Variants in SLC25A28 observed in about 807,000 individuals in gnomAD.
SLC25A28 encodes mitoferrin-2.
Under a neutral mutation model 31.9 loss-of-function variants are expected in SLC25A28, and 10 were observed. The ratio of observed to expected loss-of-function variants is 0.31; its 90% CI spans 0.19 to 0.53. The LOEUF (loss-of-function observed/expected upper bound fraction) is 0.53. Among genes scored for constraint, SLC25A28 ranks in the 20% least tolerant of loss-of-function variants. The pLI, the probability that SLC25A28 is intolerant of heterozygous loss-of-function variation, is 0.95. For missense variants in SLC25A28, 256 were observed against 490.3 expected (o/e 0.52, Z 4.51); for synonymous variants, 208 against 203.6 (o/e 1.02, Z -0.19).
chr10:99,618,244 G>A (rs1428399108), intron 1 of SLC25A28: 3 of 968,648 alleles, frequency 3.1e-6, no homozygotes, highest in Non-Finnish European at 3.7e-6. Flanking sequence ...AATATATGGA[G>A]TAAGGAGATA....
At position 99,611,140 on chromosome 10, in the gene SLC25A28, T is replaced by C; in HGVS notation, c.804A>G (p.Gly268=). 1 of 1,614,114 alleles carries C rather than the reference T, an allele frequency of 6.2e-7. No homozygotes were observed. Among genetic ancestry groups the C allele is most frequent in the South Asian group, 1.1e-5 (1 of 91,082 alleles). Residue 268 remains glycine, a synonymous_variant, in exon 4 of 4, where the codon GGA becomes GGG. Coordinates refer to ENST00000370495, the MANE Select transcript of SLC25A28 (RefSeq NM_031212.4). The surrounding 1 kb of genome is among the most constrained non-coding windows in gnomAD (Gnocchi z 5.5). ...CGGCAGCTACAGCTCCTGCGCAAGC[T>C]CCAGAGAGGACGTGGGAGCTTGGGT... ...RYNPSSHVLS[G]ACAGAVAAAA...
At chr10:99,649,607 A>AT in the SLC25A28 span, among the ~76,000 whole-genome samples, 90 of 152,028 alleles carry the variant, frequency 5.9e-4, no homozygotes, top group Non-Finnish European at 1.2e-3. Context: ...TTGTTGAGAG[A>AT]TTTTTTATTA....
chr10:99,627,249 TA>T, the SLC25A28 span, among the ~76,000 whole-genome samples: 5 of 150,876 alleles, frequency 3.3e-5, no homozygotes, highest in South Asian at 2.1e-4. Context: ...AAAATAAAAA[TA>T]AAAAAAAAGT....
At chr10:99,646,711 A>T in the SLC25A28 span, among the ~76,000 whole-genome samples, 1 of 152,174 alleles carries the variant, frequency 6.6e-6, no homozygotes, top group East Asian at 1.9e-4. Context: ...ACAAGTGCAG[A>T]TTTCTTACAT....
At chr10:99,631,878 A>ATTTTTTTTT in the SLC25A28 span, among the ~76,000 whole-genome samples, 229 of 92,898 alleles carry the variant, frequency 2.5e-3, 49 homozygotes, top group African/African-American at 2.8e-3. Context: ...TCAGTATGTT[A>ATTTTTTTTT]TTTTTTTTTT....
At chr10:99,629,937 G>T in the SLC25A28 span, among the ~76,000 whole-genome samples, 3 of 152,214 alleles carry the variant, frequency 2.0e-5, no homozygotes, top group African/African-American at 7.2e-5. Context: ...CCTTTGGGAG[G>T]CCAAGGTGGG....
chr10:99,614,817 C>G (rs1051481407), intron 1 of SLC25A28, among the ~76,000 whole-genome samples: 1 of 152,018 alleles, frequency 6.6e-6, no homozygotes, highest in Admixed American at 6.5e-5. Flanking sequence ...ATCTACTGAC[C>G]CAATTCAAGG....
At chr10:99,620,817 G>C (rs1055273455), upstream of SLC25A28, 93 of 985,478 alleles carry the variant, frequency 9.4e-5, no homozygotes, top group African/African-American at 1.5e-3. Flanking sequence ...CGCGCCCAGG[G>C]ACTCTAGGGG....
intron 1 of SLC25A28, chr10:99,617,132 T>G (rs2034676003): frequency 1.3e-5 from 13 of 985,402 alleles, no homozygotes; most frequent in Non-Finnish European, 1.6e-5. Context: ...TGATGATAGG[T>G]GGGTACTTCG....
At chr10:99,624,073 TCTTC>T (rs966171405), upstream of SLC25A28, among the ~76,000 whole-genome samples, 2 of 150,720 alleles carry the variant, frequency 1.3e-5, no homozygotes, top group Non-Finnish European at 3.0e-5. Context: ...TCCTTCTCTT[TCTTC>T]CTTCCTTTCT....
chr10:99,631,878 ATTTTTTTTTTTTATTT>A, the SLC25A28 span, among the ~76,000 whole-genome samples: 3 of 92,904 alleles, frequency 3.2e-5, no homozygotes, highest in East Asian at 3.2e-4. Flanking sequence ...TCAGTATGTT[ATTTTTTTTTTTTATTT>A]TTTTTTTTTT....
the SLC25A28 span, among the ~76,000 whole-genome samples, chr10:99,640,772 G>C: frequency 3.3e-5 from 5 of 151,012 alleles, no homozygotes; most frequent in African/African-American, 1.2e-4. Flanking sequence ...GTGTCCAAGT[G>C]TTCTCATTGT....
At chr10:99,614,449 C>T (rs2034601011) in intron 1 of SLC25A28, among the ~76,000 whole-genome samples, 1 of 152,192 alleles carries the variant, frequency 6.6e-6, no homozygotes, top group Non-Finnish European at 1.5e-5. Context: ...TTGGCAGAAG[C>T]AGCATTCTTA....
At chr10:99,647,833 TG>T in the SLC25A28 span, among the ~76,000 whole-genome samples, 1 of 152,196 alleles carries the variant, frequency 6.6e-6, no homozygotes, top group Non-Finnish European at 1.5e-5. Context: ...TTTTTGTTTA[TG>T]GCGAGAGGTA....
chr10:99,637,928 G>A, the SLC25A28 span, among the ~76,000 whole-genome samples: 14 of 152,042 alleles, frequency 9.2e-5, no homozygotes, highest in East Asian at 1.9e-4. Context: ...ATCATTCTTC[G>A]CAGAATTAGA....
Position 99,610,786 on chromosome 10 carries a change from G to C in SLC25A28, c.*63C>G, listed in dbSNP as rs1285716107. On this transcript the variant is annotated 3_prime_UTR_variant, in exon 4 of 4. Transcript: ENST00000370495. Reference sequence around the variant, plus strand: ...CACTTGAGGTGGGAGCATTCCAGGAGACAGAGAATGTGACCAGGATGCAGC... The same window carrying C: ...CACTTGAGGTGGGAGCATTCCAGGACACAGAGAATGTGACCAGGATGCAGC... 1.3e-6 allele frequency: 2 copies of C among 1,552,850 alleles called. No individual in the cohort carries two copies. Among genetic ancestry groups the C allele is most frequent in the African/African-American group, 2.7e-5 (2 of 73,526 alleles).
At chr10:99,644,010 T>G in the SLC25A28 span, among the ~76,000 whole-genome samples, 1 of 152,184 alleles carries the variant, frequency 6.6e-6, no homozygotes, top group African/African-American at 2.4e-5. Context: ...TTGGAATAAG[T>G]GCGATGTGGT....
At chr10:99,631,438 T>C in the SLC25A28 span, among the ~76,000 whole-genome samples, 2 of 152,062 alleles carry the variant, frequency 1.3e-5, no homozygotes, top group Admixed American at 6.5e-5. Context: ...TATTTAATTT[T>C]ATATTATATC....
the SLC25A28 span, among the ~76,000 whole-genome samples, chr10:99,648,156 G>C: frequency 1.0e-5 from 1 of 100,194 alleles, no homozygotes; most frequent in African/African-American, 4.2e-5. Flanking sequence ...GCACCACCAT[G>C]CCCAGCTGAT....
Sources: allele counts gnomAD v4.1 joint callset (sites outside exome capture counted in the v4.1 genomes callset), GRCh38; gene constraint gnomAD v4.1.1; non-coding constraint Gnocchi (gnomAD v3.1); transcripts MANE v1.5; gene names NCBI Gene and HGNC (gene_info 2026-07-23, HGNC 2026-07-21).